PHIP: variants seen among roughly 807,000 people sequenced by gnomAD.
PHIP encodes PHIP subunit of CUL4-Ring ligase complex, also known as PH-interacting protein.
Under a neutral mutation model 236.8 loss-of-function variants are expected in PHIP, and 54 were observed. The ratio of observed to expected loss-of-function variants is 0.23; its 90% CI spans 0.18 to 0.29. The LOEUF is 0.29. PHIP is among the 10% of genes least tolerant of loss of function. The pLI is 1.00. For missense variants in PHIP, 1,370 were observed against 2,190.8 expected (o/e 0.63, Z 7.48); for synonymous variants, 756 against 718.9 (o/e 1.05, Z -0.83).
chr6:79,040,381 T>A (rs182701495), intron 7 of PHIP, among the ~76,000 whole-genome samples: 12 of 152,218 alleles, frequency 7.9e-5, no homozygotes, highest in Admixed American at 7.2e-4. Flanking sequence ...AGAGAATCCC[T>A]TGGAAAAAGC....
intron 4 of PHIP, among the ~76,000 whole-genome samples, chr6:79,076,868 T>A (rs1774186590): frequency 6.6e-6 from 1 of 151,896 alleles, no homozygotes; most frequent in Non-Finnish European, 1.5e-5. Context: ...CACATCAGAA[T>A]CCTTCCAACA....
rs190888518 is a variant in PHIP, at chr6:78,959,707, T to C, written c.3657-1107A>G. Among the ~76,000 whole-genome samples the C allele has an allele frequency of 1.3e-4, 20 of 152,280 alleles. No individual in the cohort carries two copies. The East Asian group carries it at 1.9e-3, about 15-fold the overall frequency. On this transcript the variant is annotated intron_variant, in intron 31 of 39. Coordinates refer to ENST00000275034, the MANE Select transcript of PHIP (RefSeq NM_017934.7). Reference sequence around the variant, plus strand: ...AGGCAATTTCTAATTCATGTAAGTATTGTCTTTCAAATGTTTTTTTCCTAA... The same window carrying C: ...AGGCAATTTCTAATTCATGTAAGTACTGTCTTTCAAATGTTTTTTTCCTAA...
chr6:79,021,510 G>A (rs1172198695), intron 9 of PHIP, among the ~76,000 whole-genome samples: 3 of 152,220 alleles, frequency 2.0e-5, no homozygotes. Flanking sequence ...TAAAGAAAAT[G>A]TGGTACTTAT....
chr6:79,034,489 G>A (rs1178242387), intron 7 of PHIP, among the ~76,000 whole-genome samples: 1 of 152,114 alleles, frequency 6.6e-6, no homozygotes. Context: ...ACTTCAATTC[G>A]ATGCAGAAAC....
At chr6:78,971,978 C>A (rs1368090614) in intron 24 of PHIP, among the ~76,000 whole-genome samples, 2 of 152,162 alleles carry the variant, frequency 1.3e-5, no homozygotes, top group African/African-American at 4.8e-5. Flanking sequence ...CCCAGGCTTG[C>A]TTAGGTAAAC....
intron 6 of PHIP, among the ~76,000 whole-genome samples, chr6:79,052,782 C>A (rs752199027): frequency 3.3e-5 from 5 of 152,138 alleles, no homozygotes; most frequent in Non-Finnish European, 7.4e-5. Context: ...CACCATGTTT[C>A]ATTGTTTCTA....
At chr6:78,981,314 T>C (rs1380214345) in intron 23 of PHIP, among the ~76,000 whole-genome samples, 1 of 151,986 alleles carries the variant, frequency 6.6e-6, no homozygotes, top group Non-Finnish European at 1.5e-5. Flanking sequence ...GGAAATACTT[T>C]TATGTTTATT....
At chr6:79,013,038 T>C (rs1258573066) in intron 15 of PHIP, among the ~76,000 whole-genome samples, 2 of 151,886 alleles carry the variant, frequency 1.3e-5, no homozygotes, top group East Asian at 1.9e-4. Flanking sequence ...ATGACAAGAT[T>C]TGAGTACAAC....
chr6:78,947,199 A>G (rs965705450), intron 36 of PHIP, among the ~76,000 whole-genome samples: 4 of 152,168 alleles, frequency 2.6e-5, no homozygotes, highest in African/African-American at 9.7e-5. Context: ...CCTGTTTTCT[A>G]TCTAGGACTA....
chr6:78,952,084 C>T (rs1774193223), intron 35 of PHIP, among the ~76,000 whole-genome samples: 1 of 151,846 alleles, frequency 6.6e-6, no homozygotes, highest in Admixed American at 6.6e-5. Context: ...CTTGTATATC[C>T]CGATCAGGAA....
chr6:79,056,422 T>C (rs1262829337), intron 6 of PHIP, among the ~76,000 whole-genome samples: 2 of 152,140 alleles, frequency 1.3e-5, no homozygotes, highest in African/African-American at 2.4e-5. Flanking sequence ...AAGGTCAGTC[T>C]TGTGTGACAC....
intron 19 of PHIP, 48 bp from the exon 20 acceptor site, chr6:78,991,033 T>A: frequency 7.1e-6 from 8 of 1,127,510 alleles, no homozygotes; most frequent in Non-Finnish European, 7.9e-6. Flanking sequence ...TACACATAAC[T>A]TTCCTCCAAA....
In PHIP at chr6:78,938,185, G is replaced by A. The variant is rs1417598885; in HGVS notation, c.*2508C>T. On this transcript the variant is annotated 3_prime_UTR_variant, in exon 40 of 40. Coordinates refer to ENST00000275034, the MANE Select transcript of PHIP (RefSeq NM_017934.7). The stretch of plus-strand genomic sequence containing the variant: ...ATTGGTATTACTAATACATGTTTAA[G>A]TGTTTCGGTTACAAAGAATCTGATC... 6.6e-6 allele frequency: 1 copy of A among 151,614 alleles called. No homozygotes were observed. Among genetic ancestry groups the A allele is most frequent in the African/African-American group, 2.4e-5 (1 of 41,396 alleles). The allele number at this position is 151,614 out of a possible 1,614,324, so 9.4% of individuals were successfully genotyped here. A position where few individuals can be genotyped will look rare whatever the true frequency, so the allele number is the denominator to read the frequency against.
At chr6:79,028,546 G>A (rs993236252) in intron 7 of PHIP, among the ~76,000 whole-genome samples, 3 of 152,146 alleles carry the variant, frequency 2.0e-5, no homozygotes, top group Non-Finnish European at 4.4e-5. Context: ...TGGTCTATAC[G>A]CACATCGGAA....
chr6:79,030,131 T>C (rs1448283183), intron 7 of PHIP, among the ~76,000 whole-genome samples: 1 of 152,124 alleles, frequency 6.6e-6, no homozygotes, highest in Non-Finnish European at 1.5e-5. Context: ...AGAGATCATG[T>C]AACCTCAGCA....
rs1235018302 is a variant in PHIP, at chr6:78,963,113, G to A, written c.3519C>T (p.Asn1173=). The change falls in exon 30 of 40, where the codon AAC becomes AAT. Residue 1173 remains asparagine, a synonymous_variant. Coordinates refer to ENST00000275034, the MANE Select transcript of PHIP (RefSeq NM_017934.7). The part of the protein sequence containing the change: ...EECERIVAGI[N]QLMTLDIASA... ...TTTACTTACCTAGTGTCATCAACTG[G>A]TTTATTCCTGCCACAATTCTTTCAC... 3.1e-6 allele frequency: 5 copies of A among 1,603,694 alleles called. No homozygotes were observed. The South Asian group carries it at 3.4e-5, about 11-fold the overall frequency.
intron 15 of PHIP, among the ~76,000 whole-genome samples, chr6:79,014,704 A>C (rs1256568634): frequency 6.6e-6 from 1 of 151,788 alleles, no homozygotes; most frequent in Non-Finnish European, 1.5e-5. Flanking sequence ...CTTGAGTAAA[A>C]TTCTATTGTG....
intron 6 of PHIP, among the ~76,000 whole-genome samples, chr6:79,057,749 ACT>A: frequency 6.6e-6 from 1 of 152,220 alleles, no homozygotes; most frequent in African/African-American, 2.4e-5. Flanking sequence ...ATAAGTCAGT[ACT>A]ACAAACATTC....
At chr6:79,011,005 G>C (rs1770547385) in intron 15 of PHIP, among the ~76,000 whole-genome samples, 1 of 151,830 alleles carries the variant, frequency 6.6e-6, no homozygotes, top group African/African-American at 2.4e-5. Flanking sequence ...TCAGTCCTGA[G>C]AGTTGCACAC....
Sources: gnomAD v4.1 joint callset for allele counts (sites outside exome capture counted in the v4.1 genomes callset) on GRCh38, gnomAD v4.1.1 for gene constraint, MANE v1.5 for transcripts, NCBI Gene and HGNC (gene_info 2026-07-23, HGNC 2026-07-21) for gene names.